Variants in FRS2 observed in about 807,000 individuals in gnomAD.
The protein encoded by FRS2 is fibroblast growth factor receptor substrate 2, also known as FGFR signalling adaptor.
Under a neutral mutation model 43.9 loss-of-function variants are expected in FRS2, and 8 were observed. The ratio of observed to expected loss-of-function variants is 0.18; its 90% CI spans 0.11 to 0.33. The LOEUF (loss-of-function observed/expected upper bound fraction) is 0.33, where lower values mean the gene tolerates loss of function less well. Among genes scored for constraint, FRS2 ranks in the 10% least tolerant of loss-of-function variants. The pLI is 1.00. For synonymous variants in FRS2, 219 were observed against 220.3 expected, an observed-to-expected ratio of 0.99 and a Z score of 0.05; for missense variants, 534 against 627.6, an observed-to-expected ratio of 0.85 and a Z score of 1.59.
chr12:69,513,727 C>G (rs983809628), intron 1 of FRS2, among the ~76,000 whole-genome samples: 1 of 151,930 alleles, frequency 6.6e-6, no homozygotes, highest in Admixed American at 6.6e-5. Context: ...AAAAATGACC[C>G]TTGGGGGTGG....
rs547229455 is a variant in FRS2, at chr12:69,473,967, C to T, written c.-261+3437C>T. Among the ~76,000 whole-genome samples the T allele has an allele frequency of 9.9e-5, 15 of 152,182 alleles. No individual in the cohort carries two copies. The East Asian group carries it at 1.5e-3, about 16-fold the overall frequency. ...AAGTGATTGTCCTGCTTCATCTTCC[C>T]GAATAGCTGGGACTACAGGTGCTCA... On this transcript the variant is annotated intron_variant, in intron 1 of 8. Coordinates refer to ENST00000549921, the MANE Select transcript of FRS2 (RefSeq NM_001278356.2).
intron 3 of FRS2, among the ~76,000 whole-genome samples, chr12:69,549,032 TAAAAC>T (rs966962622): frequency 2.6e-5 from 4 of 152,306 alleles, no homozygotes; most frequent in African/African-American, 9.6e-5. Context: ...AGCCCTACCT[TAAAAC>T]AAACAAATAC....
chr12:69,543,474 G>GTTT (rs1280087717), intron 3 of FRS2, among the ~76,000 whole-genome samples: 2 of 152,124 alleles, frequency 1.3e-5, no homozygotes, highest in African/African-American at 4.8e-5. Flanking sequence ...TGGAGTTTAC[G>GTTT]TTTTGTGGTG....
chr12:69,494,441 A>C (rs1459272557), intron 1 of FRS2, among the ~76,000 whole-genome samples: 3 of 152,156 alleles, frequency 2.0e-5, no homozygotes, highest in African/African-American at 4.8e-5. Flanking sequence ...TCTCTCAGAG[A>C]GGTTATATAA....
rs899792876 is a variant in FRS2 at position 69,530,856 on chromosome 12, A to G, written c.-260-9A>G. On this transcript the variant is annotated splice_polypyrimidine_tract_variant and intron_variant, in intron 1 of 8. Transcript: ENST00000549921. The stretch of plus-strand genomic sequence containing the variant: ...AGTAACATTCTTAATAACTTAACCT[A>G]TATTTCAGAAATGACCATTAAGAAG... 6.6e-6 allele frequency: 1 copy of G among 152,630 alleles called. No homozygotes were observed. The highest frequency in any genetic ancestry group is 1.5e-5 in the Non-Finnish European group (1 of 68,044). 9.5% of individuals were successfully genotyped at this position (152,630 alleles called of 1,614,324 possible). A position where few individuals can be genotyped will look rare whatever the true frequency, so the allele number is the denominator to read the frequency against.
intron 1 of FRS2, among the ~76,000 whole-genome samples, chr12:69,489,506 C>T (rs1872262341): frequency 6.6e-6 from 1 of 151,934 alleles, no homozygotes; most frequent in Non-Finnish European, 1.5e-5. Flanking sequence ...GCCGTCTCTA[C>T]TAAAAATACA....
intron 1 of FRS2, among the ~76,000 whole-genome samples, chr12:69,476,527 A>G (rs560448628): frequency 6.6e-6 from 1 of 152,314 alleles, no homozygotes; most frequent in Non-Finnish European, 1.5e-5. Context: ...TTTTATTAAT[A>G]CAGCAAGTAA....
At chr12:69,573,927 T>C in intron 8 of FRS2, 78 bp from the exon 9 acceptor site, 1 of 892,472 alleles carries the variant, frequency 1.1e-6, no homozygotes, top group South Asian at 1.7e-5. Context: ...GTCAATAAAA[T>C]TAACTGATGT....
chr12:69,548,110 C>T (rs1878576582), intron 3 of FRS2, among the ~76,000 whole-genome samples: 1 of 152,144 alleles, frequency 6.6e-6, no homozygotes, highest in Non-Finnish European at 1.5e-5. Context: ...ACCTTAGCCT[C>T]CCGAGTTGCT....
At chr12:69,563,914 C>T (rs1337999398) in intron 4 of FRS2, among the ~76,000 whole-genome samples, 4 of 152,120 alleles carry the variant, frequency 2.6e-5, no homozygotes, top group Non-Finnish European at 5.9e-5. Flanking sequence ...TCTCTACTAT[C>T]CCCCTCTGTC....
intron 3 of FRS2, among the ~76,000 whole-genome samples, chr12:69,547,171 CAG>C (rs1207122686): frequency 2.0e-5 from 3 of 152,078 alleles, no homozygotes; most frequent in Admixed American, 6.6e-5. Flanking sequence ...TAGTCAAAAT[CAG>C]AGAGAAAGTA....
In FRS2 at chr12:69,495,822, A is replaced by T. The variant is rs141254747; in HGVS notation, c.-261+25292A>T. ...GTGGTGCACACCTGTAGTCGTAGCT[A>T]CTTGGGAGGCTCATAGGGAGGATTG... On this transcript the variant is annotated intron_variant, in intron 1 of 8. Coordinates refer to ENST00000549921, the MANE Select transcript of FRS2 (RefSeq NM_001278356.2). Among the ~76,000 whole-genome samples, 40 of 152,278 alleles carry T rather than the reference A, an allele frequency of 2.6e-4. No homozygotes were observed. The East Asian group carries it at 7.5e-3, about 29-fold the overall frequency.
chr12:69,550,527 A>T (rs1400073849), intron 3 of FRS2, among the ~76,000 whole-genome samples: 1 of 152,234 alleles, frequency 6.6e-6, no homozygotes, highest in Non-Finnish European at 1.5e-5. Flanking sequence ...TGTTTTTAGC[A>T]TTCTAAATTT....
intron 3 of FRS2, among the ~76,000 whole-genome samples, chr12:69,551,340 G>A (rs990997797): frequency 2.0e-5 from 3 of 151,598 alleles, no homozygotes; most frequent in South Asian, 2.1e-4. Context: ...GCAATGGAGC[G>A]AGACCCTGTC....
Position 69,571,158 on chromosome 12 carries a change from G to C in FRS2, c.254-118G>C, listed in dbSNP as rs146304045. 62 of 595,782 alleles carry C rather than the reference G, an allele frequency of 1.0e-4. No individual in the cohort carries two copies. In the East Asian group the frequency reaches 1.8e-3, roughly 17 times the overall value. The allele number at this position is 595,782 out of a possible 1,614,324, so 36.9% of individuals were successfully genotyped here. On this transcript the variant is annotated intron_variant, in intron 6 of 8. Transcript: ENST00000549921. ...TAATTTATCAGATATTTATTTAAAA[G>C]GGATTTCTGACTCGGTGCGTAGAAT...
intron 1 of FRS2, among the ~76,000 whole-genome samples, chr12:69,480,605 A>G (rs1192802326): frequency 6.6e-6 from 1 of 152,242 alleles, no homozygotes; most frequent in African/African-American, 2.4e-5. Context: ...ATCTGGGAGC[A>G]CAGGCATGTG....
intron 3 of FRS2, among the ~76,000 whole-genome samples, chr12:69,533,746 AT>A (rs773564979): frequency 2.5e-3 from 379 of 152,210 alleles, no homozygotes; most frequent in Non-Finnish European, 4.3e-3. Context: ...GAAATGAGCA[AT>A]TTGATCTTGT....
At chr12:69,539,204 AG>A (rs1194139487) in intron 3 of FRS2, among the ~76,000 whole-genome samples, 7 of 152,122 alleles carry the variant, frequency 4.6e-5, no homozygotes, top group Admixed American at 3.3e-4. Context: ...CCTCCCGAGT[AG>A]CTGGGATTAC....
Position 69,530,401 on chromosome 12 carries a change from G to A in FRS2, c.-260-464G>A, listed in dbSNP as rs139124953. 4.3e-3 allele frequency among the ~76,000 whole-genome samples: 653 copies of A among 151,926 alleles called. 5 individuals are homozygous for A. The highest frequency in any genetic ancestry group is 7.5e-3 in the Non-Finnish European group (510 of 67,986). ...CCAGTTTTCTATCTCTCCCACCTCA[G>A]TCTCAGCTCTGTTAATAATGTTTTT... On this transcript the variant is annotated intron_variant, in intron 1 of 8. Coordinates refer to ENST00000549921, the MANE Select transcript of FRS2 (RefSeq NM_001278356.2).
Sources: allele counts gnomAD v4.1 joint callset (sites outside exome capture counted in the v4.1 genomes callset), GRCh38; gene constraint gnomAD v4.1.1; transcripts MANE v1.5; gene names NCBI Gene and HGNC (gene_info 2026-07-23, HGNC 2026-07-21).